The following MANBA variants were observed in gnomAD, a reference collection of about 807,000 sequenced individuals.
MANBA encodes mannosidase beta, also known as beta-mannosidase.
MANBA carries 83 observed loss-of-function variants against 111.1 expected under a neutral mutation model. The observed-to-expected ratio is 0.75, with a 90% CI of 0.63 to 0.90. MANBA has a LOEUF of 0.90. MANBA is among the 40% of genes least tolerant of loss of function. MANBA has a pLI of 0.00. For missense variants in MANBA, 1,036 were observed against 1,069.0 expected (o/e 0.97, Z 0.43); for synonymous variants, 370 against 378.7 (o/e 0.98, Z 0.27).
At chr4:102,636,279 G>A (rs1312640772) in intron 14 of MANBA, among the ~76,000 whole-genome samples, 1 of 152,190 alleles carries the variant, frequency 6.6e-6, no homozygotes, top group Non-Finnish European at 1.5e-5. Flanking sequence ...TGTGATCATA[G>A]AGTGTACTTA....
chr4:102,670,860 T>C (rs1578887829), intron 9 of MANBA: 1 of 157,494 alleles, frequency 6.3e-6, no homozygotes, highest in East Asian at 1.9e-4. Context: ...TTTTAATTTT[T>C]AACAAATTAA....
chr4:102,673,605 TA>T (rs1229064208), intron 8 of MANBA, among the ~76,000 whole-genome samples: 5 of 152,230 alleles, frequency 3.3e-5, no homozygotes, highest in Non-Finnish European at 5.9e-5. Context: ...TTGAATGTAA[TA>T]TTTTTTTCGG....
chr4:102,727,414 G>A, intron 1 of MANBA: 1 of 1,035,220 alleles, frequency 9.7e-7, no homozygotes, highest in Non-Finnish European at 1.5e-6. Flanking sequence ...GCCTGTCCTG[G>A]AGATGAGCTT....
chr4:102,739,953 C>A (rs1723343159), intron 1 of MANBA, among the ~76,000 whole-genome samples: 1 of 152,208 alleles, frequency 6.6e-6, no homozygotes, highest in Middle Eastern at 3.4e-3. Flanking sequence ...AGCAATCAGA[C>A]AAGAGAAAGA....
intron 5 of MANBA, among the ~76,000 whole-genome samples, chr4:102,706,558 G>A (rs539814580): frequency 2.6e-5 from 4 of 152,130 alleles, no homozygotes; most frequent in African/African-American, 9.6e-5. Context: ...GCAAAAGCAA[G>A]GAAATATGAC....
Position 102,666,598 on chromosome 4 carries a change from T to C in MANBA, c.1318-1746A>G, listed in dbSNP as rs186278024. On this transcript the variant is annotated intron_variant, in intron 10 of 16. Coordinates refer to ENST00000647097, the MANE Select transcript of MANBA (RefSeq NM_005908.4). ...TGGATGGGGAAGATGTTCCAGGACA[T>C]AGACAGCAAGATGGAGATGGTGCCT... The C allele has an allele frequency of 6.6e-5, 10 of 152,340 alleles. No homozygotes were observed. In the East Asian group the frequency reaches 1.3e-3, roughly 21 times the overall value. 9.4% of individuals were successfully genotyped at this position (152,340 alleles called of 1,614,324 possible).
intron 5 of MANBA, among the ~76,000 whole-genome samples, chr4:102,702,204 G>T (rs1221896437): frequency 1.3e-5 from 2 of 151,588 alleles, no homozygotes; most frequent in Admixed American, 6.6e-5. Context: ...TTGGTTTTCA[G>T]CTCCATCAGC....
intron 1 of MANBA, among the ~76,000 whole-genome samples, chr4:102,739,119 A>G (rs1245901931): frequency 6.6e-6 from 1 of 152,244 alleles, no homozygotes; most frequent in African/African-American, 2.4e-5. Context: ...GAAATGGGAG[A>G]TATTACAATT....
chr4:102,635,517 T>A (rs1289704709), intron 15 of MANBA, among the ~76,000 whole-genome samples: 3 of 152,238 alleles, frequency 2.0e-5, no homozygotes, highest in East Asian at 3.9e-4. Flanking sequence ...CCATTTCTTT[T>A]TATAAAGTTT....
intron 1 of MANBA, among the ~76,000 whole-genome samples, chr4:102,751,200 A>T (rs1257714221): frequency 2.6e-5 from 4 of 152,128 alleles, no homozygotes; most frequent in African/African-American, 9.7e-5. Flanking sequence ...CAGATTGGAG[A>T]CTCCATAGAC....
chr4:102,667,479 A>G (rs1264647919), intron 10 of MANBA: 2 of 152,184 alleles, frequency 1.3e-5, no homozygotes, highest in African/African-American at 2.4e-5. Context: ...AAATCTTGAA[A>G]GAGTGCACTG....
At chr4:102,735,396 T>G (rs1723179842) in intron 1 of MANBA, among the ~76,000 whole-genome samples, 1 of 151,304 alleles carries the variant, frequency 6.6e-6, no homozygotes, top group Non-Finnish European at 1.5e-5. Flanking sequence ...TTCCTTCAAT[T>G]CTTTCATTCC....
intron 10 of MANBA, chr4:102,665,691 C>T (rs1731188803): frequency 6.6e-6 from 1 of 152,228 alleles, no homozygotes; most frequent in South Asian, 2.1e-4. Context: ...TCTTCTAATA[C>T]ACTAGGACAT....
chr4:102,734,663 C>A, intron 1 of MANBA: 2 of 1,322,832 alleles, frequency 1.5e-6, no homozygotes, highest in Non-Finnish European at 2.1e-6. Flanking sequence ...GCCTTGGGGA[C>A]AGCCCTCCTG....
At chr4:102,748,073 C>T (rs928625694) in intron 1 of MANBA, among the ~76,000 whole-genome samples, 3 of 152,218 alleles carry the variant, frequency 2.0e-5, no homozygotes, top group African/African-American at 4.8e-5. Context: ...CATGGTTCCA[C>T]TGCCTCTGAG....
Position 102,637,001 on chromosome 4 carries a change from C to T in MANBA, c.2015-994G>A, listed in dbSNP as rs536480008. Among the ~76,000 whole-genome samples, 23 of 152,118 alleles carry T rather than the reference C, an allele frequency of 1.5e-4. No individual in the cohort carries two copies. In the South Asian group the frequency reaches 3.3e-3, roughly 22 times the overall value. On this transcript the variant is annotated intron_variant, in intron 14 of 16. Transcript: ENST00000647097. ...TTCTTGTGATAGTGAATAAGTCTCA[C>T]GAGATCTGATCGTTTTATAAAGAAG...
At position 102,632,022 on chromosome 4, in the gene MANBA, T is replaced by A. The variant is rs774741090; in HGVS notation, c.*35A>T. ...AGTCGGTGCTTTAGAAATGCTTTAT[T>A]CCCATTGTCCACTGAAAATACAACC... On this transcript the variant is annotated 3_prime_UTR_variant, in exon 17 of 17. Coordinates refer to ENST00000647097, the MANE Select transcript of MANBA (RefSeq NM_005908.4). 6.6e-7 allele frequency: 1 copy of A among 1,509,662 alleles called. No homozygotes were observed. Among genetic ancestry groups the A allele is most frequent in the East Asian group, 2.3e-5 (1 of 44,404 alleles). The allele number at this position is 1,509,662 out of a possible 1,614,324, so 93.5% of individuals were successfully genotyped here. A position where few individuals can be genotyped will look rare whatever the true frequency, so the allele number is the denominator to read the frequency against.
At chr4:102,688,379 C>A (rs1360796336) in intron 7 of MANBA, among the ~76,000 whole-genome samples, 1 of 90,474 alleles carries the variant, frequency 1.1e-5, no homozygotes, top group Non-Finnish European at 2.4e-5. Flanking sequence ...TCTCTCCCCT[C>A]CCCCCTTACA....
chr4:102,699,368 G>C (rs922831961), intron 5 of MANBA, among the ~76,000 whole-genome samples: 4 of 151,754 alleles, frequency 2.6e-5, no homozygotes, highest in African/African-American at 9.7e-5. Flanking sequence ...CTGCCTAATT[G>C]CCCTGGCCAG....
Sources: gnomAD v4.1 joint callset for allele counts (sites outside exome capture counted in the v4.1 genomes callset) on GRCh38, gnomAD v4.1.1 for gene constraint, MANE v1.5 for transcripts, NCBI Gene and HGNC (gene_info 2026-07-23, HGNC 2026-07-21) for gene names.